The following KAT2B variants were observed in gnomAD, a reference collection of about 807,000 sequenced individuals.
KAT2B encodes lysine acetyltransferase 2B.
Under a neutral mutation model 105.9 loss-of-function variants are expected in KAT2B, and 36 were observed. That is an observed-to-expected ratio of 0.34 (90% CI 0.26 to 0.45). The LOEUF (loss-of-function observed/expected upper bound fraction) is 0.45, where lower values mean the gene tolerates loss of function less well. Ranked by LOEUF, KAT2B falls within the 20% of genes least tolerant of loss-of-function variation. KAT2B has a pLI of 1.00. For missense variants in KAT2B, 820 were observed against 1,021.6 expected (o/e 0.80, Z 2.69); for synonymous variants, 397 against 377.9 (o/e 1.05, Z -0.59).
In KAT2B at chr3:20,126,114, G is replaced by A. The variant is rs1178961604; in HGVS notation, c.1622+1G>A. On this transcript the variant is annotated splice_donor_variant, in intron 10 of 17. Coordinates refer to ENST00000263754, the MANE Select transcript of KAT2B (RefSeq NM_003884.5). LOFTEE classifies it high-confidence loss of function. ...ACATCACACGGCTCGTCTTTGACCC[G>A]TAAGTGGTACTTTCTGTTCCTTCTT... The A allele has an allele frequency of 6.3e-6, 10 of 1,587,002 alleles. No individual in the cohort carries two copies. Among genetic ancestry groups the A allele is most frequent in the African/African-American group, 2.7e-5 (2 of 74,398 alleles).
chr3:20,107,750 C>T (rs559439008), intron 5 of KAT2B, among the ~76,000 whole-genome samples: 3 of 148,410 alleles, frequency 2.0e-5, no homozygotes, highest in South Asian at 2.1e-4. Context: ...TGTATACTTA[C>T]TTTCTTAGTA....
chr3:20,089,938 GAGA>G (rs1272359796), intron 2 of KAT2B, among the ~76,000 whole-genome samples: 1 of 151,208 alleles, frequency 6.6e-6, no homozygotes. Flanking sequence ...CCCAGAATTT[GAGA>G]AGAACAGCTT....
At chr3:20,092,700 T>TTTG (rs987584053) in intron 2 of KAT2B, among the ~76,000 whole-genome samples, 2 of 151,864 alleles carry the variant, frequency 1.3e-5, no homozygotes, top group Non-Finnish European at 2.9e-5. Flanking sequence ...TGTATCGTTT[T>TTTG]TTGTTGTTGT....
chr3:20,137,541 C>CTTTT (rs200097819), intron 12 of KAT2B: 1 of 148,348 alleles, frequency 6.7e-6, no homozygotes, highest in South Asian at 2.1e-4. Flanking sequence ...TCCTCCCTTC[C>CTTTT]TTTTTTTTTT....
At position 20,056,832 on chromosome 3, in the gene KAT2B, T is replaced by C. The variant is rs529920919; in HGVS notation, c.304-15501T>C. Among the ~76,000 whole-genome samples, 133 of 152,338 alleles carry C rather than the reference T, an allele frequency of 8.7e-4. 1 individual carries two copies. Among genetic ancestry groups the C allele is most frequent in the African/African-American group, 3.2e-3 (132 of 41,586 alleles). ...TGTTGGCTTCTTGTTCTTTGCCAGC[T>C]GAGTGAACTCAGGCAAGCCACACCC... On this transcript the variant is annotated intron_variant, in intron 1 of 17. Coordinates refer to ENST00000263754, the MANE Select transcript of KAT2B (RefSeq NM_003884.5).
chr3:20,121,059 T>C (rs1359381065), intron 8 of KAT2B, among the ~76,000 whole-genome samples: 1 of 151,982 alleles, frequency 6.6e-6, no homozygotes, highest in Non-Finnish European at 1.5e-5. Context: ...ACGAAATAAA[T>C]AGTTTTCAGC....
At chr3:20,049,511 T>TA (rs1697877290) in intron 1 of KAT2B, among the ~76,000 whole-genome samples, 2 of 152,194 alleles carry the variant, frequency 1.3e-5, no homozygotes, top group Admixed American at 1.3e-4. Flanking sequence ...AAGTAGATCC[T>TA]CTTTCCTATG....
intron 12 of KAT2B, among the ~76,000 whole-genome samples, chr3:20,138,232 C>T (rs1374245115): frequency 6.6e-6 from 1 of 151,994 alleles, no homozygotes. Flanking sequence ...TGTTATTTTT[C>T]CTCTCAGCTC....
At position 20,040,582 on chromosome 3, in the gene KAT2B, G is replaced by A; in HGVS notation, c.105G>A (p.Ala35=). 2 of 1,166,392 alleles carry A rather than the reference G, an allele frequency of 1.7e-6. No homozygotes were observed. The highest frequency in any genetic ancestry group is 2.1e-6 in the Non-Finnish European group (2 of 945,966). The allele number at this position is 1,166,392 out of a possible 1,614,324, so 72.3% of individuals were successfully genotyped here. ...CGCAGCCTGCGGCGCTTCCGCCCGC[G>A]CCCCCGCAGGGCTCCCCCTGCGCCG... ...LPPQPAALPP[A]PPQGSPCAAA... The change falls in exon 1 of 18, where the codon GCG becomes GCA. Residue 35 remains alanine, a synonymous_variant. Coordinates refer to ENST00000263754, the MANE Select transcript of KAT2B (RefSeq NM_003884.5).
intron 13 of KAT2B, among the ~76,000 whole-genome samples, chr3:20,142,791 T>A (rs1699715592): frequency 7.2e-6 from 1 of 139,638 alleles, no homozygotes; most frequent in Admixed American, 6.9e-5. Context: ...TGTGGGCACA[T>A]GAACAGGTAG....
intron 2 of KAT2B, among the ~76,000 whole-genome samples, chr3:20,073,671 T>G (rs1162955980): frequency 6.6e-6 from 1 of 152,158 alleles, no homozygotes; most frequent in African/African-American, 2.4e-5. Context: ...GAGCAAAAAT[T>G]TCAAAAGTTA....
chr3:20,052,203 A>G (rs960158610), intron 1 of KAT2B, among the ~76,000 whole-genome samples: 7 of 152,230 alleles, frequency 4.6e-5, no homozygotes, highest in African/African-American at 1.7e-4. Context: ...GGTCTAAAGT[A>G]GCAGCACCCC....
At chr3:20,080,654 A>G (rs994855979) in intron 2 of KAT2B, among the ~76,000 whole-genome samples, 2 of 152,204 alleles carry the variant, frequency 1.3e-5, no homozygotes, top group East Asian at 1.9e-4. Flanking sequence ...GGAGCTTTCA[A>G]AGTTTATAAT....
chr3:20,125,773 G>A lies in KAT2B; in HGVS notation c.1414-132G>A, dbSNP rs74808282. On this transcript the variant is annotated intron_variant, in intron 9 of 17. Coordinates refer to ENST00000263754, the MANE Select transcript of KAT2B (RefSeq NM_003884.5). Reference sequence around the variant, plus strand: ...TCTCTGTGTGTATGTGTGCACACATGTGTATTTAGGACTCTGAAAATCCAC... The same window carrying A: ...TCTCTGTGTGTATGTGTGCACACATATGTATTTAGGACTCTGAAAATCCAC... 3,408 of 686,644 alleles carry A rather than the reference G, an allele frequency of 5.0e-3. 97 individuals carry two copies. The African/African-American group carries it at 0.054, about 11-fold the overall frequency. 42.5% of individuals were successfully genotyped at this position (686,644 alleles called of 1,614,324 possible). A position where few individuals can be genotyped will look rare whatever the true frequency, so the allele number is the denominator to read the frequency against.
intron 1 of KAT2B, among the ~76,000 whole-genome samples, chr3:20,047,310 A>G (rs1482803407): frequency 6.6e-6 from 1 of 152,088 alleles, no homozygotes; most frequent in Non-Finnish European, 1.5e-5. Flanking sequence ...GGGCTCAAGC[A>G]ATTGGCCTGC....
chr3:20,066,283 C>G (rs1339720531), intron 1 of KAT2B, among the ~76,000 whole-genome samples: 1 of 152,164 alleles, frequency 6.6e-6, no homozygotes, highest in Non-Finnish European at 1.5e-5. Flanking sequence ...TAGGAAAACG[C>G]CAGTCATTGG....
intron 1 of KAT2B, among the ~76,000 whole-genome samples, chr3:20,059,430 A>G (rs1477321410): frequency 6.7e-6 from 1 of 150,300 alleles, no homozygotes; most frequent in East Asian, 2.0e-4. Flanking sequence ...AAAAAAAAAA[A>G]AAAAAGGCCA....
rs200539117 is a variant in KAT2B, at chr3:20,076,790, AT to A, written c.430+4333del. 8.6e-4 allele frequency among the ~76,000 whole-genome samples: 131 copies of A among 152,332 alleles called. No homozygotes were observed. The East Asian group carries it at 0.025, about 29-fold the overall frequency. ...TGGGGTCTAGGGAATTCTGTTAGGA[AT>A]TACGCAAGCCTGAATTCTCAAATAC... On this transcript the variant is annotated intron_variant, in intron 2 of 17. Coordinates refer to ENST00000263754, the MANE Select transcript of KAT2B (RefSeq NM_003884.5).
chr3:20,080,549 A>C (rs1575121516), intron 2 of KAT2B, among the ~76,000 whole-genome samples: 1 of 152,204 alleles, frequency 6.6e-6, no homozygotes, highest in Non-Finnish European at 1.5e-5. Context: ...TAATATATTT[A>C]GTTCGTTGTG....
Sources: allele counts gnomAD v4.1 joint callset (sites outside exome capture counted in the v4.1 genomes callset), GRCh38; gene constraint gnomAD v4.1.1; transcripts MANE v1.5; gene names NCBI Gene and HGNC (gene_info 2026-07-23, HGNC 2026-07-21).